Variants in CCSER1 observed in about 807,000 individuals in gnomAD.
CCSER1 encodes the protein serine-rich coiled-coil domain-containing protein 1.
Under a neutral mutation model 82.0 loss-of-function variants are expected in CCSER1, and 41 were observed. The ratio of observed to expected loss-of-function variants is 0.50; its 90% CI spans 0.39 to 0.65. The LOEUF (loss-of-function observed/expected upper bound fraction) is 0.65, where lower values mean the gene tolerates loss of function less well. Among genes scored for constraint, CCSER1 ranks in the 30% least tolerant of loss-of-function variants. CCSER1 has a pLI of 0.00. For synonymous variants in CCSER1, 414 were observed against 383.9 expected, an observed-to-expected ratio of 1.08 and a Z score of -0.92; for missense variants, 1,119 against 1,064.2, an observed-to-expected ratio of 1.05 and a Z score of -0.72.
At chr4:90,596,427 G>A (rs1237178328) in intron 5 of CCSER1, among the ~76,000 whole-genome samples, 1 of 151,070 alleles carries the variant, frequency 6.6e-6, no homozygotes, top group Non-Finnish European at 1.5e-5. Flanking sequence ...TATAGGACAT[G>A]TACTAACAAT....
At chr4:91,037,795 TAATA>T (rs1262611438) in intron 9 of CCSER1, among the ~76,000 whole-genome samples, 1 of 151,756 alleles carries the variant, frequency 6.6e-6, no homozygotes, top group Non-Finnish European at 1.5e-5. Flanking sequence ...ATAATTTATT[TAATA>T]AATAACTACA....
intron 9 of CCSER1, among the ~76,000 whole-genome samples, chr4:91,018,516 T>A (rs1442165770): frequency 2.0e-5 from 3 of 152,144 alleles, no homozygotes; most frequent in African/African-American, 7.2e-5. Context: ...TATTTGGCCA[T>A]ATTATTCCCT....
chr4:91,488,975 G>A (rs566683691), intron 10 of CCSER1, among the ~76,000 whole-genome samples: 1 of 152,282 alleles, frequency 6.6e-6, no homozygotes, highest in South Asian at 2.1e-4. Context: ...AATGAAAAGA[G>A]AGTGGTCTAA....
chr4:90,724,309 A>T (rs924027810), intron 7 of CCSER1, among the ~76,000 whole-genome samples: 1 of 151,974 alleles, frequency 6.6e-6, no homozygotes, highest in African/African-American at 2.4e-5. Context: ...AATATAAGTC[A>T]TAGGGGAAAA....
chr4:91,050,191 G>A (rs1425004405), intron 9 of CCSER1, among the ~76,000 whole-genome samples: 1 of 152,192 alleles, frequency 6.6e-6, no homozygotes, highest in Non-Finnish European at 1.5e-5. Flanking sequence ...AGCACTTTGG[G>A]AGGCTGAGGT....
chr4:91,173,352 T>C (rs1422261854), intron 10 of CCSER1, among the ~76,000 whole-genome samples: 1 of 152,138 alleles, frequency 6.6e-6, no homozygotes, highest in Non-Finnish European at 1.5e-5. Context: ...CCCAGCACTT[T>C]GGGAGACCCA....
intron 6 of CCSER1, among the ~76,000 whole-genome samples, chr4:90,692,035 GTATATATATATATATATATATATA>G: frequency 7.0e-6 from 1 of 142,970 alleles, no homozygotes; most frequent in African/African-American, 2.6e-5. Context: ...TTCAATGTGT[GTATATATATATATATATATATATA>G]TATATATATA....
At chr4:90,476,044 G>GTGTA (rs1232830836) in intron 5 of CCSER1, among the ~76,000 whole-genome samples, 1 of 146,120 alleles carries the variant, frequency 6.8e-6, no homozygotes, top group Non-Finnish European at 1.5e-5. Flanking sequence ...GTGTGTGTGT[G>GTGTA]TATGTGTGTG....
chr4:91,409,600 A>G (rs1578388510), intron 10 of CCSER1, among the ~76,000 whole-genome samples: 1 of 152,214 alleles, frequency 6.6e-6, no homozygotes, highest in Non-Finnish European at 1.5e-5. Context: ...TACTGTTTAT[A>G]CATTCAAAAT....
intron 3 of CCSER1, among the ~76,000 whole-genome samples, chr4:90,352,346 A>C (rs941708669): frequency 1.3e-5 from 2 of 151,540 alleles, no homozygotes; most frequent in South Asian, 2.1e-4. Flanking sequence ...AACCAAAAAA[A>C]CAAAACAAAA....
intron 5 of CCSER1, among the ~76,000 whole-genome samples, chr4:90,519,344 G>GA (rs1183309875): frequency 3.3e-5 from 5 of 151,726 alleles, no homozygotes; most frequent in African/African-American, 9.6e-5. Flanking sequence ...TGTTTTCCCA[G>GA]AAAAAATGAA....
intron 10 of CCSER1, among the ~76,000 whole-genome samples, chr4:91,452,170 G>A (rs938967344): frequency 6.6e-5 from 10 of 151,976 alleles, no homozygotes; most frequent in African/African-American, 2.2e-4. Context: ...GGGCAAAATT[G>A]ACACACAGAC....
chr4:90,899,243 G>A (rs1724232444), intron 8 of CCSER1, among the ~76,000 whole-genome samples: 1 of 151,956 alleles, frequency 6.6e-6, no homozygotes, highest in Middle Eastern at 3.4e-3. Context: ...TCTTTATTTG[G>A]TTGTCAGCTT....
chr4:90,696,685 T>C (rs538359339), intron 6 of CCSER1, among the ~76,000 whole-genome samples: 1 of 152,264 alleles, frequency 6.6e-6, no homozygotes, highest in South Asian at 2.1e-4. Flanking sequence ...TATTTAGCAC[T>C]TTGTGTGCCA....
chr4:90,629,451 GC>G (rs1002202627), intron 6 of CCSER1, among the ~76,000 whole-genome samples: 4 of 152,194 alleles, frequency 2.6e-5, no homozygotes, highest in African/African-American at 9.7e-5. Context: ...AGGCAAGAGA[GC>G]TTGTGCAGGG....
chr4:91,058,305 C>A (rs751570396), intron 9 of CCSER1, among the ~76,000 whole-genome samples: 1 of 151,996 alleles, frequency 6.6e-6, no homozygotes, highest in Non-Finnish European at 1.5e-5. Flanking sequence ...GAATACTATG[C>A]AGCTTTAAAA....
intron 7 of CCSER1, among the ~76,000 whole-genome samples, chr4:90,773,288 C>T (rs536311075): frequency 6.6e-6 from 1 of 152,188 alleles, no homozygotes; most frequent in Non-Finnish European, 1.5e-5. Flanking sequence ...ACTGATTGCC[C>T]TTACCTTAAT....
At chr4:90,324,441 T>C (rs912373594) in intron 3 of CCSER1, among the ~76,000 whole-genome samples, 6 of 147,598 alleles carry the variant, frequency 4.1e-5, no homozygotes, top group Non-Finnish European at 5.9e-5. Context: ...CATTTTTTCA[T>C]GTGTTTTTTG....
At chr4:90,250,020 T>G (rs1005269978) in intron 1 of CCSER1, among the ~76,000 whole-genome samples, 6 of 152,126 alleles carry the variant, frequency 3.9e-5, no homozygotes, top group African/African-American at 1.4e-4. Flanking sequence ...TTTCATGTCC[T>G]TGGGGTCATT....
Sources: allele counts gnomAD v4.1 joint callset (sites outside exome capture counted in the v4.1 genomes callset), GRCh38; gene constraint gnomAD v4.1.1; transcripts MANE v1.5; gene names NCBI Gene and HGNC (gene_info 2026-07-23, HGNC 2026-07-21).